ZNF362: variants seen among roughly 807,000 people sequenced by gnomAD.
ZNF362 encodes rotund homolog.
In ZNF362, 11 loss-of-function variants were observed where a neutral mutation model predicts 42.9. The observed-to-expected ratio is 0.26, with a 90% confidence interval of 0.16 to 0.42. The LOEUF is 0.42. Ranked by LOEUF, ZNF362 falls within the 20% of genes least tolerant of loss-of-function variation. The pLI is 1.00. For synonymous variants in ZNF362, 255 were observed against 257.3 expected, an observed-to-expected ratio of 0.99 and a Z score of 0.09; for missense variants, 362 against 576.2, an observed-to-expected ratio of 0.63 and a Z score of 3.81.
chr1:33,290,077 G>A (rs1646065313), intron 6 of ZNF362, among the ~76,000 whole-genome samples: 1 of 152,200 alleles, frequency 6.6e-6, no homozygotes, highest in Non-Finnish European at 1.5e-5. Flanking sequence ...CAAGGCCACT[G>A]TGGCTGGGTG....
chr1:33,253,731 A>C (rs1306480821), upstream of ZNF362, among the ~76,000 whole-genome samples: 2 of 152,266 alleles, frequency 1.3e-5, no homozygotes, highest in East Asian at 1.9e-4. Context: ...TGATGATGAT[A>C]ATGATGATAT....
the ZNF362 span, among the ~76,000 whole-genome samples, chr1:33,198,110 T>A: frequency 6.6e-6 from 1 of 152,160 alleles, no homozygotes; most frequent in Non-Finnish European, 1.5e-5. Flanking sequence ...TATAGGCATA[T>A]AAAAATTATC....
At chr1:33,274,897 C>G (rs1040140327) in intron 2 of ZNF362, 2 of 955,268 alleles carry the variant, frequency 2.1e-6, no homozygotes, top group Non-Finnish European at 2.5e-6. Flanking sequence ...AAGTAAAGAT[C>G]ACAAGAGATA....
the ZNF362 span, among the ~76,000 whole-genome samples, chr1:33,227,113 A>C: frequency 6.6e-6 from 1 of 152,156 alleles, no homozygotes; most frequent in Non-Finnish European, 1.5e-5. Context: ...GGTTGTGGTG[A>C]TGGATTGCAC....
At chr1:33,150,737 G>A in the ZNF362 span, among the ~76,000 whole-genome samples, 1 of 152,284 alleles carries the variant, frequency 6.6e-6, no homozygotes, top group Admixed American at 6.5e-5. Context: ...CGGGAGGTGG[G>A]AGTGGGAGGG....
chr1:33,280,471 C>T lies in ZNF362; in HGVS notation c.683+14C>T, dbSNP rs1470860347. On this transcript the variant is annotated intron_variant, in intron 5 of 8. Coordinates refer to ENST00000539719, the MANE Select transcript of ZNF362 (RefSeq NM_152493.3). This position sits in a 1 kb window ranked among gnomAD's most constrained non-coding sequence, Gnocchi z 5.6. ...CAAGACGTACAGGTGGGGGTCTTGG[C>T]GGGATGGGGTCCGAGTGGGCTTGGG... is the stretch of plus-strand genomic sequence containing the variant. The T allele has an allele frequency of 3.9e-6, 6 of 1,550,480 alleles. No homozygotes were observed. Among genetic ancestry groups the T allele is most frequent in the Admixed American group, 1.9e-5 (1 of 53,266 alleles).
chr1:33,147,264 G>C, the ZNF362 span: 1 of 1,614,158 alleles, frequency 6.2e-7, no homozygotes, highest in Non-Finnish European at 8.5e-7. This position sits in a 1 kb window ranked among gnomAD's most constrained non-coding sequence, Gnocchi z 8.1. Flanking sequence ...AGCAGAGCTT[G>C]CCAGGGAACT....
At chr1:33,265,266 C>G (rs1025822201) in intron 1 of ZNF362, among the ~76,000 whole-genome samples, 1 of 151,418 alleles carries the variant, frequency 6.6e-6, no homozygotes. Flanking sequence ...CTCAACCGCC[C>G]TCAGTGTCTC....
the ZNF362 span, among the ~76,000 whole-genome samples, chr1:33,179,764 G>T: frequency 6.6e-6 from 1 of 152,142 alleles, no homozygotes; most frequent in Non-Finnish European, 1.5e-5. Flanking sequence ...ACATGGGGCT[G>T]CTGGATTTAA....
At chr1:33,189,126 C>T in the ZNF362 span, among the ~76,000 whole-genome samples, 2 of 152,220 alleles carry the variant, frequency 1.3e-5, no homozygotes, top group African/African-American at 4.8e-5. Context: ...CATGGCTGTT[C>T]TTCAGGAGCC....
chr1:33,176,122 C>G, the ZNF362 span, among the ~76,000 whole-genome samples: 24 of 152,212 alleles, frequency 1.6e-4, no homozygotes, highest in Non-Finnish European at 2.8e-4. Context: ...GGAAAAGTAA[C>G]AGCAGAGCCA....
At chr1:33,159,967 G>A in the ZNF362 span, 82 of 1,591,852 alleles carry the variant, frequency 5.2e-5, no homozygotes, top group Non-Finnish European at 6.7e-5. This position sits in a 1 kb window ranked among gnomAD's most constrained non-coding sequence, Gnocchi z 4.2. Context: ...GTCGTCAGGG[G>A]TTATGGCTGG....
the ZNF362 span, among the ~76,000 whole-genome samples, chr1:33,143,780 T>C: frequency 6.6e-6 from 1 of 152,214 alleles, no homozygotes; most frequent in South Asian, 2.1e-4. Flanking sequence ...CCAGGGGTGC[T>C]GTACTCCCTT....
chr1:33,211,144 AG>A, the ZNF362 span, among the ~76,000 whole-genome samples: 1 of 152,106 alleles, frequency 6.6e-6, no homozygotes, highest in Non-Finnish European at 1.5e-5. Context: ...CATGTTAGCC[AG>A]GTTGGTCTCA....
the ZNF362 span, among the ~76,000 whole-genome samples, chr1:33,189,669 A>ATATATATATG: frequency 3.0e-5 from 1 of 33,220 alleles, no homozygotes; most frequent in East Asian, 1.2e-3. Flanking sequence ...ATATATATAT[A>ATATATATATG]TATGTATATA....
chr1:33,227,858 AT>A, the ZNF362 span, among the ~76,000 whole-genome samples: 1 of 74,306 alleles, frequency 1.3e-5, no homozygotes, highest in Non-Finnish European at 3.2e-5. Flanking sequence ...GAGGGAAGGG[AT>A]CTTTTTTTTT....
intron 3 of ZNF362, 47 bp from the exon 4 acceptor site, chr1:33,276,301 G>A: frequency 6.5e-7 from 1 of 1,539,026 alleles, no homozygotes; most frequent in Non-Finnish European, 8.8e-7. Context: ...TGGGCAAGGG[G>A]CGGGAGGTGG....
chr1:33,181,824 G>T, the ZNF362 span, among the ~76,000 whole-genome samples: 1 of 150,814 alleles, frequency 6.6e-6, no homozygotes, highest in Non-Finnish European at 1.5e-5. The surrounding 1 kb of genome is among the most constrained non-coding windows in gnomAD (Gnocchi z 6.5). Flanking sequence ...TCGAAATCCC[G>T]GGGTGGGGGC....
chr1:33,214,685 G>T, the ZNF362 span, among the ~76,000 whole-genome samples: 1 of 152,152 alleles, frequency 6.6e-6, no homozygotes. Context: ...GTGGGCAAAA[G>T]ATCCAAATAG....
Sources: gnomAD v4.1 joint callset for allele counts (sites outside exome capture counted in the v4.1 genomes callset) on GRCh38, gnomAD v4.1.1 for gene constraint, Gnocchi (gnomAD v3.1) non-coding constraint, MANE v1.5 for transcripts, NCBI Gene and HGNC (gene_info 2026-07-23, HGNC 2026-07-21) for gene names.